Variants in DGKB observed in about 807,000 individuals in gnomAD.
DGKB encodes diacylglycerol kinase beta, also known as 90 kDa diacylglycerol kinase.
A neutral mutation model predicts 114.3 loss-of-function variants in DGKB; 67 were observed. That is an observed-to-expected ratio of 0.59 (90% CI 0.48 to 0.72). The LOEUF (loss-of-function observed/expected upper bound fraction) is 0.72, where lower values mean the gene tolerates loss of function less well. DGKB is among the 30% of genes least tolerant of loss of function. DGKB has a pLI of 0.00. For missense variants in DGKB, 907 were observed against 975.2 expected (o/e 0.93, Z 0.93); for synonymous variants, 398 against 323.1 (o/e 1.23, Z -2.49).
chr7:14,831,376 T>C (rs751605753), intron 2 of DGKB, among the ~76,000 whole-genome samples: 4 of 152,060 alleles, frequency 2.6e-5, no homozygotes, highest in Non-Finnish European at 4.4e-5. Context: ...AGCAGAAGCA[T>C]CTACAGCCTA....
chr7:14,813,966 T>A (rs1843754418), intron 2 of DGKB, among the ~76,000 whole-genome samples: 1 of 152,212 alleles, frequency 6.6e-6, no homozygotes, highest in African/African-American at 2.4e-5. Flanking sequence ...TACAATGCAT[T>A]CTATTTATAT....
intron 19 of DGKB, among the ~76,000 whole-genome samples, chr7:14,580,248 C>T (rs73680447): frequency 3.4e-3 from 511 of 152,284 alleles, no homozygotes; most frequent in African/African-American, 0.011. Flanking sequence ...ATCTAGCTAG[C>T]AGTTTTTTCT....
intron 20 of DGKB, among the ~76,000 whole-genome samples, chr7:14,539,083 C>G (rs1288712694): frequency 6.6e-6 from 1 of 151,938 alleles, no homozygotes; most frequent in African/African-American, 2.4e-5. Flanking sequence ...CTATGGTGCT[C>G]ATAGTTAATA....
intron 1 of DGKB, among the ~76,000 whole-genome samples, chr7:14,910,729 C>T (rs1265498916): frequency 6.6e-6 from 1 of 152,054 alleles, no homozygotes; most frequent in East Asian, 1.9e-4. Flanking sequence ...CTCCAAAGTT[C>T]CTATTCTTAA....
chr7:14,536,900 C>T (rs1265498010), intron 20 of DGKB, among the ~76,000 whole-genome samples: 1 of 151,690 alleles, frequency 6.6e-6, no homozygotes, highest in Non-Finnish European at 1.5e-5. Flanking sequence ...TATCTGTTTG[C>T]TGGTGGCATT....
chr7:14,210,904 A>G (rs949168363), intron 23 of DGKB, among the ~76,000 whole-genome samples: 2 of 151,612 alleles, frequency 1.3e-5, no homozygotes, highest in African/African-American at 4.8e-5. Flanking sequence ...ATACACCCAC[A>G]TTTCCCTGAT....
chr7:14,713,106 T>C (rs1003917334), intron 6 of DGKB, among the ~76,000 whole-genome samples: 1 of 152,112 alleles, frequency 6.6e-6, no homozygotes, highest in African/African-American at 2.4e-5. Context: ...ATAGAAACAA[T>C]TATGCCCACA....
intron 23 of DGKB, among the ~76,000 whole-genome samples, chr7:14,241,931 CAT>C (rs1554300591): frequency 7.0e-6 from 1 of 142,440 alleles, no homozygotes; most frequent in Non-Finnish European, 1.5e-5. Context: ...CACACACACA[CAT>C]ATAGATATAT....
chr7:14,397,400 A>G (rs1822393585), intron 21 of DGKB, among the ~76,000 whole-genome samples: 1 of 152,108 alleles, frequency 6.6e-6, no homozygotes, highest in African/African-American at 2.4e-5. Context: ...CCCTTTTTCC[A>G]TAGTCCAGTT....
chr7:14,515,111 G>C (rs1365793133), intron 20 of DGKB, among the ~76,000 whole-genome samples: 1 of 152,178 alleles, frequency 6.6e-6, no homozygotes, highest in East Asian at 1.9e-4. Context: ...GACGTTCTCT[G>C]AATAATGCAT....
intron 23 of DGKB, among the ~76,000 whole-genome samples, chr7:14,316,041 C>A (rs1806428691): frequency 6.7e-6 from 1 of 149,614 alleles, no homozygotes; most frequent in African/African-American, 2.5e-5. Context: ...CTGTTGGGTA[C>A]ATAACGAAAT....
At chr7:14,660,647 T>C (rs535296499) in intron 13 of DGKB, among the ~76,000 whole-genome samples, 1 of 151,926 alleles carries the variant, frequency 6.6e-6, no homozygotes, top group South Asian at 2.1e-4. Flanking sequence ...TTATCAATTT[T>C]GATGCCATCC....
intron 13 of DGKB, among the ~76,000 whole-genome samples, chr7:14,658,944 G>A (rs1441598833): frequency 1.3e-5 from 2 of 151,670 alleles, no homozygotes; most frequent in African/African-American, 2.4e-5. Flanking sequence ...GGATACATGC[G>A]CAGAATGTGC....
intron 23 of DGKB, among the ~76,000 whole-genome samples, chr7:14,196,851 C>CA (rs1457557517): frequency 6.6e-6 from 1 of 151,870 alleles, no homozygotes; most frequent in East Asian, 1.9e-4. Flanking sequence ...TAGATAAGTA[C>CA]AAAAAATCTC....
At chr7:14,724,314 T>A (rs1437202340) in intron 5 of DGKB, among the ~76,000 whole-genome samples, 27 of 152,216 alleles carry the variant, frequency 1.8e-4, no homozygotes, top group Admixed American at 1.8e-3. Context: ...TTACACTTAA[T>A]CTTTCAACTA....
At chr7:14,803,361 T>G (rs1842417367) in intron 2 of DGKB, among the ~76,000 whole-genome samples, 1 of 152,198 alleles carries the variant, frequency 6.6e-6, no homozygotes, top group South Asian at 2.1e-4. Context: ...TGCTTTTATG[T>G]TTTAATCCTT....
intron 2 of DGKB, among the ~76,000 whole-genome samples, chr7:14,778,089 T>A: frequency 6.6e-6 from 1 of 152,232 alleles, no homozygotes; most frequent in East Asian, 1.9e-4. Flanking sequence ...TCTGACTTAC[T>A]TGCATTGTAG....
intron 21 of DGKB, among the ~76,000 whole-genome samples, chr7:14,389,293 G>A (rs1284113693): frequency 6.6e-6 from 1 of 152,144 alleles, no homozygotes; most frequent in African/African-American, 2.4e-5. Flanking sequence ...CTCCATGTGA[G>A]CCTTGCACAC....
At chr7:14,744,426 A>G (rs1489000052) in intron 4 of DGKB, among the ~76,000 whole-genome samples, 1 of 152,152 alleles carries the variant, frequency 6.6e-6, no homozygotes, top group African/African-American at 2.4e-5. Flanking sequence ...TACCTTGTCT[A>G]CACAGTCCTC....
Sources: gnomAD v4.1 joint callset for allele counts (sites outside exome capture counted in the v4.1 genomes callset) on GRCh38, gnomAD v4.1.1 for gene constraint, MANE v1.5 for transcripts, NCBI Gene and HGNC (gene_info 2026-07-23, HGNC 2026-07-21) for gene names.